PLCZ1: variants seen among roughly 807,000 people sequenced by gnomAD.
The protein encoded by PLCZ1 is 1-phosphatidylinositol 4,5-bisphosphate phosphodiesterase zeta-1.
PLCZ1 carries 64 observed loss-of-function variants against 76.8 expected under a neutral mutation model. The observed-to-expected ratio is 0.83, with a 90% CI of 0.68 to 1.03. The LOEUF (loss-of-function observed/expected upper bound fraction) is 1.03, where lower values mean the gene tolerates loss of function less well. Ranked by LOEUF, PLCZ1 falls within the 50% of genes least tolerant of loss-of-function variation. PLCZ1 has a pLI of 0.00. For missense variants in PLCZ1, 751 were observed against 713.7 expected (o/e 1.05, Z -0.60); for synonymous variants, 248 against 230.8 (o/e 1.07, Z -0.68).
intron 14 of PLCZ1, chr12:18,683,732 A>G: frequency 2.4e-6 from 2 of 820,508 alleles, no homozygotes; most frequent in Non-Finnish European, 3.6e-6. Context: ...AGCCCTGAAA[A>G]GGGGTCAGGA....
the PLCZ1 span, among the ~76,000 whole-genome samples, chr12:18,654,294 TAAA>T: frequency 0.12 from 17,095 of 142,626 alleles, 1,248 homozygotes; most frequent in African/African-American, 0.2. Context: ...CACTAGTACC[TAAA>T]AAAAAAAAAA....
At chr12:18,683,638 G>C in intron 14 of PLCZ1, 1 of 1,372,080 alleles carries the variant, frequency 7.3e-7, no homozygotes, top group Non-Finnish European at 9.6e-7. Flanking sequence ...GATGCTGTTA[G>C]AAAAGTAAGC....
the PLCZ1 span, chr12:18,647,780 A>C: frequency 3.4e-6 from 2 of 582,692 alleles, no homozygotes; most frequent in Non-Finnish European, 5.5e-6. Flanking sequence ...GGTATAAGAT[A>C]TTAGCAGCTA....
chr12:18,657,696 C>G, the PLCZ1 span, among the ~76,000 whole-genome samples: 1 of 152,088 alleles, frequency 6.6e-6, no homozygotes, highest in Non-Finnish European at 1.5e-5. Flanking sequence ...GCAGCAACAA[C>G]AAACCCCCAA....
At position 18,736,245 on chromosome 12, in the gene PLCZ1, A is replaced by G. The variant is rs773224584; in HGVS notation, c.111T>C (p.Tyr37=). The G allele has an allele frequency of 8.1e-6, 13 of 1,612,910 alleles. No homozygotes were observed. The highest frequency in any genetic ancestry group is 6.6e-5 in the South Asian group (6 of 91,050). ...CCTTAAAAATCTGTTTCACATGAATATAACTGCACCGAATATCTAATTTTT... is the reference window on the plus strand; with the variant it reads ...CCTTAAAAATCTGTTTCACATGAATGTAACTGCACCGAATATCTAATTTTT... The part of the protein sequence containing the change: ...LLEKLDIRCS[Y]IHVKQIFKDN... Residue 37 remains tyrosine (Y), a synonymous_variant, in exon 3 of 15, where the codon TAT becomes TAC. Transcript: ENST00000266505.
At chr12:18,686,478 G>A (rs907804682) in intron 13 of PLCZ1, among the ~76,000 whole-genome samples, 1 of 151,186 alleles carries the variant, frequency 6.6e-6, no homozygotes, top group African/African-American at 2.5e-5. Flanking sequence ...TCTCTAGCAT[G>A]TTTAAATTGT....
At position 18,683,242 on chromosome 12, in the gene PLCZ1, T is replaced by A; in HGVS notation, c.1824A>T (p.Arg608Ser). 6.2e-7 allele frequency: 1 copy of A among 1,612,122 alleles called. No homozygotes were observed. The highest frequency in any genetic ancestry group is 8.5e-7 in the Non-Finnish European group (1 of 1,178,572). Reference protein sequence around the residue: ...ASLFVYVWYVR With the variant: ...ASLFVYVWYVS ...ATATGTCATTTATCATTAGCTGTTA[T>A]CTGACGTACCAAACATAAACAAACA... Residue 608 changes from arginine to serine, a missense_variant, in exon 15 of 15, where the codon AGA (arginine) becomes AGT (serine). Coordinates refer to ENST00000266505, the MANE Select transcript of PLCZ1 (RefSeq NM_033123.4).
the PLCZ1 span, among the ~76,000 whole-genome samples, chr12:18,650,704 G>GTA: frequency 3.1e-4 from 18 of 57,780 alleles, no homozygotes; most frequent in East Asian, 4.5e-4. Flanking sequence ...GTGTGTGTGT[G>GTA]TATATATCTA....
At chr12:18,651,412 T>C in the PLCZ1 span, among the ~76,000 whole-genome samples, 1 of 152,178 alleles carries the variant, frequency 6.6e-6, no homozygotes, top group African/African-American at 2.4e-5. Context: ...ACTTATCATC[T>C]TTGAATATTT....
intron 3 of PLCZ1, 123 bp downstream of exon 3, chr12:18,736,098 G>A: frequency 9.0e-7 from 1 of 1,113,506 alleles, no homozygotes; most frequent in Non-Finnish European, 1.3e-6. Context: ...CATCTTGATT[G>A]TAAATATAGT....
the PLCZ1 span, among the ~76,000 whole-genome samples, chr12:18,661,119 A>G: frequency 2.0e-5 from 3 of 152,124 alleles, no homozygotes; most frequent in Non-Finnish European, 2.9e-5. Context: ...GGGAATAGCA[A>G]TAAAGATTTA....
Position 18,694,922 on chromosome 12 carries a change from T to G in PLCZ1, c.1449A>C (p.Thr483=). ...PSNIKEGMPI[T]LTIRLISGIQ... ...TTATTAATCTTACCCTTATTGTAAG[T>G]GTAATTGGCATACCCTCTTTTATGT... Residue 483 remains threonine (T), a synonymous_variant, in exon 12 of 15, where the codon ACA becomes ACC. Transcript: ENST00000266505. The G allele has an allele frequency of 1.3e-6, 2 of 1,593,292 alleles. No homozygotes were observed. Among genetic ancestry groups the G allele is most frequent in the Non-Finnish European group, 1.7e-6 (2 of 1,163,018 alleles).
chr12:18,700,813 C>A (rs541282083), intron 9 of PLCZ1, among the ~76,000 whole-genome samples: 2 of 152,108 alleles, frequency 1.3e-5, no homozygotes, highest in Admixed American at 1.3e-4. Flanking sequence ...ACCTAATATA[C>A]TTTCTTTCAT....
At chr12:18,658,539 A>G in the PLCZ1 span, among the ~76,000 whole-genome samples, 3 of 152,178 alleles carry the variant, frequency 2.0e-5, no homozygotes, top group African/African-American at 7.2e-5. Flanking sequence ...TCAAAGAGCT[A>G]AAAGAAAAGA....
chr12:18,694,560 G>A (rs1199769126), intron 12 of PLCZ1, among the ~76,000 whole-genome samples: 5 of 152,066 alleles, frequency 3.3e-5, no homozygotes, highest in Non-Finnish European at 7.3e-5. Context: ...TTCATCAAAG[G>A]CGAGAAAAAG....
intron 6 of PLCZ1, among the ~76,000 whole-genome samples, chr12:18,707,863 G>A (rs1487644126): frequency 1.3e-5 from 2 of 152,004 alleles, no homozygotes; most frequent in Non-Finnish European, 2.9e-5. Context: ...TTGCTCTTTT[G>A]GGTGTTTTTA....
chr12:18,693,163 C>A, intron 12 of PLCZ1: 5 of 1,546,806 alleles, frequency 3.2e-6, no homozygotes, highest in Non-Finnish European at 3.6e-6. Flanking sequence ...TCTGTGGGCT[C>A]AGAACACTAC....
At chr12:18,701,605 TATCCTCCTCCTC>T in intron 8 of PLCZ1, 37 bp from the exon 9 acceptor site, 1 of 1,571,118 alleles carries the variant, frequency 6.4e-7, no homozygotes, top group Non-Finnish European at 8.6e-7. Context: ...TCTTTGAATT[TATCCTCCTCCTC>T]CTCCTCCTCC....
chr12:18,680,956 T>C (rs1356034062), downstream of PLCZ1, among the ~76,000 whole-genome samples: 2 of 152,062 alleles, frequency 1.3e-5, no homozygotes, highest in African/African-American at 2.4e-5. Flanking sequence ...AATAAATTAA[T>C]AGTCATTTAT....
Sources: allele counts gnomAD v4.1 joint callset (sites outside exome capture counted in the v4.1 genomes callset), GRCh38; gene constraint gnomAD v4.1.1; transcripts MANE v1.5; gene names NCBI Gene and HGNC (gene_info 2026-07-23, HGNC 2026-07-21).